Variants in PDZRN4 observed in about 807,000 individuals in gnomAD.
The protein encoded by PDZRN4 is PDZ domain containing ring finger 4.
PDZRN4 carries 70 observed loss-of-function variants against 99.0 expected under a neutral mutation model. That is an observed-to-expected ratio of 0.71 (90% CI 0.58 to 0.86). The LOEUF (loss-of-function observed/expected upper bound fraction) is 0.86. PDZRN4 is among the 40% of genes least tolerant of loss of function. The probability of loss-of-function intolerance (pLI) is 0.00; values close to 1 mark genes in which losing one functional copy is unlikely to be tolerated. For missense variants in PDZRN4, 1,474 were observed against 1,331.2 expected (o/e 1.11, Z -1.67); for synonymous variants, 551 against 501.6 (o/e 1.10, Z -1.32).
At chr12:41,385,694 A>C (rs2121109357) in intron 3 of PDZRN4, among the ~76,000 whole-genome samples, 1 of 152,244 alleles carries the variant, frequency 6.6e-6, no homozygotes, top group Admixed American at 6.5e-5. Context: ...CCACCAACCA[A>C]AAAAAGCCCA....
At chr12:41,323,784 A>C (rs1218576374) in intron 3 of PDZRN4, among the ~76,000 whole-genome samples, 1 of 151,960 alleles carries the variant, frequency 6.6e-6, no homozygotes, top group Non-Finnish European at 1.5e-5. Flanking sequence ...GGTAATACAC[A>C]TTAGTTTTAT....
intron 3 of PDZRN4, among the ~76,000 whole-genome samples, chr12:41,372,534 C>T (rs897213428): frequency 2.0e-5 from 3 of 152,020 alleles, no homozygotes; most frequent in African/African-American, 4.8e-5. Flanking sequence ...AAATGGAAAA[C>T]TGAAGGATGA....
chr12:41,425,051 A>G (rs1022553314), intron 3 of PDZRN4, among the ~76,000 whole-genome samples: 5 of 152,196 alleles, frequency 3.3e-5, no homozygotes, highest in Non-Finnish European at 7.3e-5. Flanking sequence ...TCGAAACAAC[A>G]TTCACAACAT....
intron 3 of PDZRN4, among the ~76,000 whole-genome samples, chr12:41,429,803 T>TTTTTTTTTTTTTTTTTTTTTTTTTTTG (rs1952570408): frequency 6.6e-6 from 1 of 151,416 alleles, no homozygotes; most frequent in Admixed American, 6.6e-5. Context: ...TCTTATTTTT[T>TTTTTTTTTTTTTTTTTTTTTTTTTTTG]AAAATGTCTA....
chr12:41,554,259 T>C (rs1218651255), intron 6 of PDZRN4, among the ~76,000 whole-genome samples: 2 of 152,122 alleles, frequency 1.3e-5, no homozygotes, highest in African/African-American at 2.4e-5. Flanking sequence ...AGGCTTTAGA[T>C]TGTGAGTGGT....
chr12:41,461,330 C>A (rs960661208), intron 3 of PDZRN4, among the ~76,000 whole-genome samples: 1 of 152,026 alleles, frequency 6.6e-6, no homozygotes, highest in African/African-American at 2.4e-5. Flanking sequence ...AAGCCTAGTA[C>A]CCATTAGTTA....
intron 3 of PDZRN4, among the ~76,000 whole-genome samples, chr12:41,373,519 G>A (rs975452029): frequency 3.3e-5 from 5 of 152,128 alleles, no homozygotes; most frequent in Non-Finnish European, 7.4e-5. Context: ...GCTTTTGAAA[G>A]AAGAGAAATA....
chr12:41,406,858 CAAAA>C lies in PDZRN4; in HGVS notation c.844-99579_844-99576del, dbSNP rs758320141. Among the ~76,000 whole-genome samples, 6 of 46,924 alleles carry C rather than the reference CAAAA, an allele frequency of 1.3e-4. No individual in the cohort carries two copies. The Admixed American group carries it at 1.3e-3, about 10-fold the overall frequency. The allele number at this position is 46,924 out of a possible 152,430, so 30.8% of individuals were successfully genotyped here. ...GGGCAACAAGAGTGAAACTCCGTCT[CAAAA>C]AAAAAAAAAAAAAAAAAAGACAATT... On this transcript the variant is annotated intron_variant, in intron 3 of 9. Coordinates refer to ENST00000402685, the MANE Select transcript of PDZRN4 (RefSeq NM_001164595.2).
intron 3 of PDZRN4, among the ~76,000 whole-genome samples, chr12:41,267,098 T>G (rs1015867117): frequency 1.3e-5 from 2 of 152,144 alleles, no homozygotes; most frequent in African/African-American, 4.8e-5. Context: ...AAAATAACTG[T>G]AGTGTTGGTC....
intron 3 of PDZRN4, among the ~76,000 whole-genome samples, chr12:41,488,153 T>G (rs1026982955): frequency 1.1e-4 from 16 of 152,202 alleles, no homozygotes; most frequent in African/African-American, 3.9e-4. Flanking sequence ...AACTATACTC[T>G]GCCATCTCCT....
rs137972707 is a variant in PDZRN4, at chr12:41,280,169, G to A, written c.843+85981G>A. Among the ~76,000 whole-genome samples, 126 of 152,224 alleles carry A rather than the reference G, an allele frequency of 8.3e-4. 3 individuals carry two copies. Among genetic ancestry groups the A allele is most frequent in the African/African-American group, 2.8e-3 (115 of 41,534 alleles). ...CCTGAGGGACCCTGCCATGAGGGAC[G>A]GTGCTATGCAGCCTAGATACTATGC... is the stretch of plus-strand genomic sequence containing the variant. On this transcript the variant is annotated intron_variant, in intron 3 of 9. Transcript: ENST00000402685.
At chr12:41,503,401 T>C (rs996192078) in intron 3 of PDZRN4, among the ~76,000 whole-genome samples, 1 of 152,112 alleles carries the variant, frequency 6.6e-6, no homozygotes, top group African/African-American at 2.4e-5. Context: ...AATAAATAAA[T>C]GAATGTATAG....
intron 3 of PDZRN4, among the ~76,000 whole-genome samples, chr12:41,415,369 A>C (rs1159584106): frequency 6.7e-6 from 1 of 149,026 alleles, no homozygotes; most frequent in African/African-American, 2.4e-5. Context: ...AATATATGTA[A>C]TAAATGTTAT....
intron 3 of PDZRN4, among the ~76,000 whole-genome samples, chr12:41,277,516 G>A (rs1367821649): frequency 2.0e-5 from 3 of 152,170 alleles, no homozygotes; most frequent in Non-Finnish European, 2.9e-5. Flanking sequence ...TCTATAAACA[G>A]ATGGCCGGCC....
At chr12:41,499,650 A>G (rs1309777812) in intron 3 of PDZRN4, among the ~76,000 whole-genome samples, 1 of 152,060 alleles carries the variant, frequency 6.6e-6, no homozygotes, top group African/African-American at 2.4e-5. Flanking sequence ...TACATCCTCA[A>G]GATTACCTAT....
intron 5 of PDZRN4, among the ~76,000 whole-genome samples, chr12:41,529,223 GTGTGTT>G (rs911641676): frequency 4.1e-5 from 6 of 147,590 alleles, no homozygotes; most frequent in East Asian, 1.9e-4. Context: ...GCACGTGTGT[GTGTGTT>G]TGTGTGTGTG....
At chr12:41,330,159 A>G (rs1951733420) in intron 3 of PDZRN4, among the ~76,000 whole-genome samples, 1 of 152,104 alleles carries the variant, frequency 6.6e-6, no homozygotes. Context: ...CAAAATTAGC[A>G]TAGTGAGTGC....
chr12:41,349,038 T>C (rs928876723), intron 3 of PDZRN4, among the ~76,000 whole-genome samples: 2 of 152,042 alleles, frequency 1.3e-5, no homozygotes, highest in African/African-American at 4.8e-5. Context: ...ATGTTATTTA[T>C]GTTAGCCTGT....
chr12:41,564,576 T>C (rs1939331805), intron 8 of PDZRN4, among the ~76,000 whole-genome samples: 1 of 152,210 alleles, frequency 6.6e-6, no homozygotes, highest in Non-Finnish European at 1.5e-5. Flanking sequence ...AGTGTCAGAC[T>C]GAATCCTGAC....
Sources: gnomAD v4.1 joint callset for allele counts (sites outside exome capture counted in the v4.1 genomes callset) on GRCh38, gnomAD v4.1.1 for gene constraint, MANE v1.5 for transcripts, NCBI Gene and HGNC (gene_info 2026-07-23, HGNC 2026-07-21) for gene names.